Variants in ZNF543 observed in about 807,000 individuals in gnomAD.
The protein encoded by ZNF543 is zinc finger protein 543.
In ZNF543, 10 loss-of-function variants were observed where a neutral mutation model predicts 13.4. The observed-to-expected ratio is 0.75, with a 90% CI of 0.46 to 1.26. The LOEUF (loss-of-function observed/expected upper bound fraction) is 1.26, where lower values mean the gene tolerates loss of function less well. Among genes scored for constraint, ZNF543 ranks in the 50% most tolerant of loss-of-function variants. The probability of loss-of-function intolerance (pLI) is 0.00; values close to 1 mark genes in which losing one functional copy is unlikely to be tolerated. For missense variants in ZNF543, 768 were observed against 741.2 expected (o/e 1.04, Z -0.42); for synonymous variants, 272 against 264.7 (o/e 1.03, Z -0.27).
intron 3 of ZNF543, 65 bp from the exon 4 acceptor site, chr19:57,327,639 C>G (rs947797067): frequency 3.1e-5 from 47 of 1,530,204 alleles, no homozygotes; most frequent in Non-Finnish European, 3.9e-5. Context: ...ATCACTGTCC[C>G]TGGCCTTTGT....
At chr19:57,321,974 T>C (rs1040505209) in intron 1 of ZNF543, among the ~76,000 whole-genome samples, 2 of 152,170 alleles carry the variant, frequency 1.3e-5, no homozygotes, top group African/African-American at 4.8e-5. Context: ...TGAGTGGTTT[T>C]CTCCTATACC....
chr19:57,329,046 T>C lies in ZNF543; in HGVS notation c.1584T>C (p.Ile528=). 4.3e-6 allele frequency: 7 copies of C among 1,614,030 alleles called. No individual in the cohort carries two copies. Among genetic ancestry groups the C allele is most frequent in the Non-Finnish European group, 5.9e-6 (7 of 1,180,008 alleles). Residue 528 remains isoleucine (I), a synonymous_variant, in exon 4 of 4, where the codon ATT becomes ATC. Coordinates refer to ENST00000321545, the MANE Select transcript of ZNF543 (RefSeq NM_213598.4). ...CAAACCTTATTCGACACTCCATCAT[T>C]CACACTGGAGAGAAGCCGTATGAAT... ...RSANLIRHSI[I]HTGEKPYECS... is the part of the protein sequence containing the mutation.
rs1293302969 is a variant in ZNF543, at chr19:57,326,688, A to G, written c.201A>G (p.Leu67=). The G allele has an allele frequency of 1.2e-6, 2 of 1,613,954 alleles. No homozygotes were observed. The highest frequency in any genetic ancestry group is 2.7e-5 in the African/African-American group (2 of 74,920). The change falls in exon 3 of 4, where the codon CTA becomes CTG. Residue 67 remains leucine (L), a synonymous_variant. Transcript: ENST00000321545. ...LIYQLDHRQE[L]WMATKDLSQS... ...ACCAGTTGGATCACAGACAGGAGCT[A>G]TGGATGGCTACAAAAGACCTCTCCC...
intron 3 of ZNF543, 145 bp from the exon 4 acceptor site, chr19:57,327,559 G>A: frequency 1.9e-6 from 2 of 1,045,874 alleles, no homozygotes; most frequent in Non-Finnish European, 2.7e-6. Flanking sequence ...TGGCCAGGCT[G>A]GTCTCAAACT....
At position 57,326,632 on chromosome 19, in the gene ZNF543, G is replaced by A. The variant is rs1401702686; in HGVS notation, c.146-1G>A. On this transcript the variant is annotated splice_acceptor_variant, in intron 2 of 3. Coordinates refer to ENST00000321545, the MANE Select transcript of ZNF543 (RefSeq NM_213598.4). LOFTEE classifies it high-confidence loss of function. Reference sequence around the variant, plus strand: ...TGTCCTCTTTTGTTCTCCATGCACAGGCTGTCCTTTGTTCAAACCAGAGCT... The same window carrying A: ...TGTCCTCTTTTGTTCTCCATGCACAAGCTGTCCTTTGTTCAAACCAGAGCT... 1 of 1,613,382 alleles carries A rather than the reference G, an allele frequency of 6.2e-7. No homozygotes were observed. The highest frequency in any genetic ancestry group is 8.5e-7 in the Non-Finnish European group (1 of 1,179,372).
chr19:57,329,428 G>C lies in ZNF543; in HGVS notation c.*163G>C. 2 of 915,762 alleles carry C rather than the reference G, an allele frequency of 2.2e-6. No homozygotes were observed. Among genetic ancestry groups the C allele is most frequent in the Non-Finnish European group, 3.2e-6 (2 of 623,760 alleles). 56.7% of individuals were successfully genotyped at this position (915,762 alleles called of 1,614,324 possible). A position where few individuals can be genotyped will look rare whatever the true frequency, so the allele number is the denominator to read the frequency against. ...TCTCCACCTGAGAATTCACCCATGA[G>C]AGAGACCCAGTGGTTGCTATGCACT... On this transcript the variant is annotated 3_prime_UTR_variant, in exon 4 of 4. Transcript: ENST00000321545.
In ZNF543 at chr19:57,327,801, A is replaced by G; in HGVS notation, c.339A>G (p.Ser113=). The change falls in exon 4 of 4, where the codon TCA becomes TCG. Residue 113 remains serine, a synonymous_variant. Transcript: ENST00000321545. ...LLQEQLTQGA[S]KNSQLGQSKD... ...AGGAACAACTGACACAAGGAGCCTCAAAGAACTCCCAATTAGGGCAATCCA... is the reference window on the plus strand; with the variant it reads ...AGGAACAACTGACACAAGGAGCCTCGAAGAACTCCCAATTAGGGCAATCCA... 2 of 1,614,150 alleles carry G rather than the reference A, an allele frequency of 1.2e-6. No homozygotes were observed. Among genetic ancestry groups the G allele is most frequent in the South Asian group, 1.1e-5 (1 of 91,086 alleles).
chr19:57,322,499 AT>A (rs1272364139), intron 1 of ZNF543, among the ~76,000 whole-genome samples: 2 of 151,568 alleles, frequency 1.3e-5, no homozygotes, highest in African/African-American at 4.9e-5. Flanking sequence ...AAAAAAAAAA[AT>A]CCTGAAAATA....
At position 57,328,982 on chromosome 19, in the gene ZNF543, A is replaced by G. The variant is rs146301771; in HGVS notation, c.1520A>G (p.Tyr507Cys). 4.9e-4 allele frequency: 784 copies of G among 1,614,188 alleles called. 8 individuals are homozygous for G. The African/African-American group carries it at 9.6e-3, about 20-fold the overall frequency. The stretch of plus-strand genomic sequence containing the variant: ...CAGATTCACACTGGAGAGAAACCCT[A>G]TGAATGCATCCAGTGTGGGAAAGCC... ...HQQIHTGEKP[Y>C]ECIQCGKAFC... The change falls in exon 4 of 4, where the codon TAT becomes TGT. Residue 507 changes from tyrosine (Y) to cysteine (C), a missense_variant. Tyr to Cys is a radical substitution (Grantham distance 194, BLOSUM62 -2). Coordinates refer to ENST00000321545, the MANE Select transcript of ZNF543 (RefSeq NM_213598.4).
intron 1 of ZNF543, among the ~76,000 whole-genome samples, 161 bp downstream of exon 1, chr19:57,321,032 A>G (rs2088087081): frequency 6.6e-6 from 1 of 152,194 alleles, no homozygotes; most frequent in African/African-American, 2.4e-5. Context: ...GTCCTGCAAT[A>G]GTGTTGGCCT....
intron 1 of ZNF543, 139 bp from the exon 2 acceptor site, chr19:57,323,543 C>A: frequency 8.8e-7 from 1 of 1,132,806 alleles, no homozygotes; most frequent in Non-Finnish European, 1.3e-6. Context: ...TCATGCCTGG[C>A]ACAGATCATG....
Position 57,323,641 on chromosome 19 carries a change from A to T in ZNF543, c.19-41A>T, listed in dbSNP as rs113007638. ...GTGACAAGTTCTAGTTGTATTCCAC[A>T]GTTCCAAGGGAAACACTACTATCTC... On this transcript the variant is annotated intron_variant, in intron 1 of 3. Coordinates refer to ENST00000321545, the MANE Select transcript of ZNF543 (RefSeq NM_213598.4). 0.014 allele frequency: 21,817 copies of T among 1,605,502 alleles called. 191 individuals carry two copies. The highest frequency in any genetic ancestry group is 0.017 in the Non-Finnish European group (19,740 of 1,174,404).
rs144241606 is a variant in ZNF543 at position 57,328,310 on chromosome 19, A to G, written c.848A>G (p.Tyr283Cys). 3.7e-6 allele frequency: 6 copies of G among 1,613,000 alleles called. No individual in the cohort carries two copies. The African/African-American group carries it at 6.7e-5, about 18-fold the overall frequency. Residue 283 changes from tyrosine to cysteine, a missense_variant, in exon 4 of 4, where the codon TAT becomes TGT. By Grantham distance (194) the Tyr-to-Cys change is radical (BLOSUM62 -2). This residue lies in a region of ZNF543 where 677 missense variants were observed against 631.4 expected (regional missense o/e 1.07). Coordinates refer to ENST00000321545, the MANE Select transcript of ZNF543 (RefSeq NM_213598.4). Reference sequence around the variant, plus strand: ...CGGATTCACAGTGGAGAGAAGCCTTATAAGTGCAGTGAATGTGGAAAGGCC... The same window carrying G: ...CGGATTCACAGTGGAGAGAAGCCTTGTAAGTGCAGTGAATGTGGAAAGGCC... ...HQRIHSGEKPYKCSECGKAFT... is the reference protein window; with the variant it reads ...HQRIHSGEKPCKCSECGKAFT...
chr19:57,327,602 C>T (rs926218573), intron 3 of ZNF543, 102 bp from the exon 4 acceptor site: 3 of 1,480,808 alleles, frequency 2.0e-6, no homozygotes, highest in Non-Finnish European at 2.7e-6. Flanking sequence ...GCCTTGGCCT[C>T]CCAAAGTGCT....
rs1376416015 is a variant in ZNF543 at position 57,323,734 on chromosome 19, GA to G, written c.72del (p.Gln25SerfsTer13). ...VAVTFTQEEWGQLDAAQRTLY... is the reference protein window; with the variant it reads ...VAVTFTQEEWXQLDAAQRTLY... The stretch of plus-strand genomic sequence containing the variant: ...GTGACATTCACCCAGGAGGAGTGGG[GA>G]CAGTTGGATGCAGCCCAGAGAACCT... On this transcript the variant is annotated frameshift_variant, in exon 2 of 4. Transcript: ENST00000321545. LOFTEE classifies it high-confidence loss of function. The G allele has an allele frequency of 6.2e-7, 1 of 1,613,854 alleles. No individual in the cohort carries two copies. Among genetic ancestry groups the G allele is most frequent in the Admixed American group, 1.7e-5 (1 of 60,016 alleles).
chr19:57,328,720 G>A lies in ZNF543; in HGVS notation c.1258G>A (p.Glu420Lys), dbSNP rs745847212. 1 of 1,613,772 alleles carries A rather than the reference G, an allele frequency of 6.2e-7. No individual in the cohort carries two copies. The highest frequency in any genetic ancestry group is 8.5e-7 in the Non-Finnish European group (1 of 1,179,954). The change falls in exon 4 of 4, where the codon GAG becomes AAG. Residue 420 changes from glutamate (E) to lysine (K), a missense_variant. By Grantham distance (56) the Glu-to-Lys change is moderately conservative (BLOSUM62 1). Coordinates refer to ENST00000321545, the MANE Select transcript of ZNF543 (RefSeq NM_213598.4). Reference protein sequence around the residue: ...LKQHQRIHTGEKPYECSECGK... With the variant: ...LKQHQRIHTGKKPYECSECGK... ...GCAGCATCAACGGATTCACACTGGGGAGAAGCCTTATGAATGCAGTGAATG... is the reference window on the plus strand; with the variant it reads ...GCAGCATCAACGGATTCACACTGGGAAGAAGCCTTATGAATGCAGTGAATG...
chr19:57,321,941 G>T lies in ZNF543; in HGVS notation c.18+1070G>T, dbSNP rs114046258. 3.9e-3 allele frequency among the ~76,000 whole-genome samples: 590 copies of T among 152,304 alleles called. 3 individuals carry two copies. Among genetic ancestry groups the T allele is most frequent in the African/African-American group, 0.014 (562 of 41,564 alleles). On this transcript the variant is annotated intron_variant, in intron 1 of 3. Transcript: ENST00000321545. ...TGTTTAAGGAGTCCGCAGGGGACCC[G>T]TGTGGCTTCCACAGTGGTTTCCTGA... is the stretch of plus-strand genomic sequence containing the variant.
chr19:57,330,305 AGTGT>A lies in ZNF543; in HGVS notation c.*1041_*1044del, dbSNP rs1327639946. On this transcript the variant is annotated 3_prime_UTR_variant, in exon 4 of 4. Transcript: ENST00000321545. Reference sequence around the variant, plus strand: ...TAAGTTTTCCTGGGATAGGGATGATAGTGTAATTGTTCATGCCCACAGTAATCCT... The same window carrying A: ...TAAGTTTTCCTGGGATAGGGATGATAAATTGTTCATGCCCACAGTAATCCT... The A allele has an allele frequency of 1.4e-3, 209 of 148,594 alleles. No individual in the cohort carries two copies. The highest frequency in any genetic ancestry group is 3.9e-3 in the African/African-American group (158 of 40,308). The allele number at this position is 148,594 out of a possible 1,614,324, so 9.2% of individuals were successfully genotyped here. A position where few individuals can be genotyped will look rare whatever the true frequency, so the allele number is the denominator to read the frequency against.
chr19:57,327,942 T>A lies in ZNF543; in HGVS notation c.480T>A (p.Asp160Glu), dbSNP rs748814263. ...CTGAACGTGATGGTTTGGGGTCAGA[T>A]GATGGTGTATGTACAAAGATTACAC... ...MSSERDGLGS[D>E]DGVCTKITQK... The change falls in exon 4 of 4, where the codon GAT (aspartate) becomes GAA (glutamate). Residue 160 changes from aspartate to glutamate, a missense_variant. Asp to Glu is a conservative substitution (Grantham distance 45, BLOSUM62 2). Transcript: ENST00000321545. 1.3e-5 allele frequency: 21 copies of A among 1,614,016 alleles called. No homozygotes were observed. Among genetic ancestry groups the A allele is most frequent in the Non-Finnish European group, 1.7e-5 (20 of 1,180,048 alleles).
Sources: allele counts gnomAD v4.1 joint callset (sites outside exome capture counted in the v4.1 genomes callset), GRCh38; gene constraint gnomAD v4.1.1; regional missense constraint gnomAD v4.1.1; transcripts MANE v1.5; gene names NCBI Gene and HGNC (gene_info 2026-07-23, HGNC 2026-07-21).